Variants in RIMS2 observed in about 807,000 individuals in gnomAD.
RIMS2 encodes the protein regulating synaptic membrane exocytosis protein 2.
In RIMS2, 59 loss-of-function variants were observed where a neutral mutation model predicts 174.4. The observed-to-expected ratio is 0.34, with a 90% CI of 0.27 to 0.42. The LOEUF is 0.42. Ranked by LOEUF, RIMS2 falls within the 10% of genes least tolerant of loss-of-function variation. RIMS2 has a pLI of 1.00. For missense variants in RIMS2, 1,620 were observed against 1,666.3 expected (o/e 0.97, Z 0.48); for synonymous variants, 606 against 572.5 (o/e 1.06, Z -0.84).
At chr8:103,816,301 C>A (rs567090328) in intron 3 of RIMS2, among the ~76,000 whole-genome samples, 1 of 152,162 alleles carries the variant, frequency 6.6e-6, no homozygotes, top group African/African-American at 2.4e-5. Flanking sequence ...CAGATGAAGT[C>A]CTGTGGCGGT....
intron 19 of RIMS2, among the ~76,000 whole-genome samples, chr8:104,073,316 A>G (rs2097227515): frequency 6.6e-6 from 1 of 152,192 alleles, no homozygotes; most frequent in African/African-American, 2.4e-5. Context: ...ATATTTTTAA[A>G]TGTTCCCACA....
At chr8:103,534,866 C>T (rs1355176974) in intron 1 of RIMS2, among the ~76,000 whole-genome samples, 1 of 152,164 alleles carries the variant, frequency 6.6e-6, no homozygotes, top group East Asian at 1.9e-4. Context: ...ACTTACAAAG[C>T]CTTATTTACT....
chr8:104,235,646 CTCT>C (rs1387745903), intron 19 of RIMS2, among the ~76,000 whole-genome samples: 5 of 152,160 alleles, frequency 3.3e-5, no homozygotes, highest in African/African-American at 1.2e-4. Context: ...CTTTCTCACT[CTCT>C]TTTCACTCAT....
At chr8:103,585,179 C>T (rs749407390) in intron 1 of RIMS2, among the ~76,000 whole-genome samples, 4 of 152,132 alleles carry the variant, frequency 2.6e-5, no homozygotes, top group Non-Finnish European at 5.9e-5. Flanking sequence ...CAAATTAAAA[C>T]CACAATGAGA....
intron 14 of RIMS2, among the ~76,000 whole-genome samples, chr8:103,958,923 C>T (rs913989756): frequency 6.6e-6 from 1 of 152,124 alleles, no homozygotes; most frequent in Non-Finnish European, 1.5e-5. Flanking sequence ...TTCTGGAAGT[C>T]TCTGTGGGAC....
At chr8:103,790,008 T>A (rs1438770806) in intron 3 of RIMS2, among the ~76,000 whole-genome samples, 5 of 152,206 alleles carry the variant, frequency 3.3e-5, no homozygotes, top group African/African-American at 1.2e-4. Flanking sequence ...GTGATCCTCC[T>A]GCCTTGGCTT....
chr8:104,227,651 G>A (rs2099196677), intron 19 of RIMS2, among the ~76,000 whole-genome samples: 1 of 152,156 alleles, frequency 6.6e-6, no homozygotes, highest in South Asian at 2.1e-4. Context: ...CTATCTTAAT[G>A]TTACATGTGG....
intron 6 of RIMS2, among the ~76,000 whole-genome samples, chr8:103,914,228 C>T (rs1565279270): frequency 6.6e-6 from 1 of 152,026 alleles, no homozygotes; most frequent in Non-Finnish European, 1.5e-5. Context: ...ATAGTGAGAC[C>T]CTTTGTCTTA....
chr8:103,657,274 T>G (rs1736185925), intron 1 of RIMS2, among the ~76,000 whole-genome samples: 1 of 152,164 alleles, frequency 6.6e-6, no homozygotes, highest in Admixed American at 6.6e-5. Context: ...GCTGCTCTCT[T>G]GTAAGCCATC....
At chr8:103,933,056 G>T (rs1380582696) in intron 12 of RIMS2, among the ~76,000 whole-genome samples, 4 of 152,094 alleles carry the variant, frequency 2.6e-5, no homozygotes, top group Non-Finnish European at 5.9e-5. Flanking sequence ...ACTTTGGGAG[G>T]CCGAGGTGGG....
intron 19 of RIMS2, among the ~76,000 whole-genome samples, chr8:104,084,360 C>A (rs1433786627): frequency 1.4e-5 from 2 of 147,806 alleles, no homozygotes; most frequent in Non-Finnish European, 3.0e-5. Context: ...ATTGCTTGAA[C>A]CTGGCAGGCA....
At chr8:103,740,581 A>G (rs1444147720) in intron 2 of RIMS2, among the ~76,000 whole-genome samples, 1 of 152,202 alleles carries the variant, frequency 6.6e-6, no homozygotes, top group Non-Finnish European at 1.5e-5. Context: ...CAGTTCTGAC[A>G]TTGATCTTGA....
chr8:103,889,532 G>A (rs772078096), intron 4 of RIMS2, among the ~76,000 whole-genome samples: 2 of 151,256 alleles, frequency 1.3e-5, no homozygotes, highest in Non-Finnish European at 3.0e-5. Flanking sequence ...ATTTTTTTTC[G>A]AGGTCCTAGT....
At chr8:103,786,542 C>T (rs1175045535) in intron 3 of RIMS2, among the ~76,000 whole-genome samples, 1 of 152,186 alleles carries the variant, frequency 6.6e-6, no homozygotes, top group Non-Finnish European at 1.5e-5. Flanking sequence ...AGTAGTCATT[C>T]AGGAGCAGGT....
At position 103,915,460 on chromosome 8, in the gene RIMS2, A is replaced by G. The variant is rs775253165; in HGVS notation, c.1813-35A>G. 3 of 1,276,884 alleles carry G rather than the reference A, an allele frequency of 2.3e-6. No homozygotes were observed. The Admixed American group carries it at 5.5e-5, about 23-fold the overall frequency. 79.1% of individuals were successfully genotyped at this position (1,276,884 alleles called of 1,614,324 possible). On this transcript the variant is annotated intron_variant, in intron 6 of 23. Coordinates refer to ENST00000504942, the Ensembl canonical transcript of RIMS2. ...ATCTTCAACCATGCTCATTTTAACA[A>G]TATTCCCATGTTAATACTTTCCTCT...
intron 1 of RIMS2, among the ~76,000 whole-genome samples, chr8:103,638,144 T>C (rs2096132945): frequency 6.6e-6 from 1 of 152,114 alleles, no homozygotes; most frequent in Non-Finnish European, 1.5e-5. Flanking sequence ...TTTTTTATTT[T>C]CTATTGGTTG....
At chr8:103,675,167 C>T (rs1226965684) in intron 1 of RIMS2, among the ~76,000 whole-genome samples, 2 of 152,112 alleles carry the variant, frequency 1.3e-5, no homozygotes, top group Admixed American at 1.3e-4. Flanking sequence ...CCGCTTTGGC[C>T]TCCCAAAGTG....
chr8:104,125,852 A>G (rs2098424298), intron 19 of RIMS2, among the ~76,000 whole-genome samples: 1 of 152,180 alleles, frequency 6.6e-6, no homozygotes, highest in South Asian at 2.1e-4. Context: ...TAATTTTTAT[A>G]TTTGCGGGGA....
intron 19 of RIMS2, among the ~76,000 whole-genome samples, chr8:104,118,512 C>T (rs937787644): frequency 6.6e-6 from 1 of 151,750 alleles, no homozygotes. Context: ...GTGCTTCAGC[C>T]TCCCAGGATT....
Sources: gnomAD v4.1 joint callset for allele counts (sites outside exome capture counted in the v4.1 genomes callset) on GRCh38, gnomAD v4.1.1 for gene constraint, MANE v1.5 for transcripts, NCBI Gene and HGNC (gene_info 2026-07-23, HGNC 2026-07-21) for gene names.